The following SLC39A11 variants were observed in gnomAD, a reference collection of about 807,000 sequenced individuals.
The protein encoded by SLC39A11 is zinc transporter ZIP11.
A neutral mutation model predicts 36.1 loss-of-function variants in SLC39A11; 33 were observed. The ratio of observed to expected loss-of-function variants is 0.91; its 90% CI spans 0.69 to 1.22. SLC39A11 has a LOEUF of 1.22. SLC39A11 is among the 50% of genes most tolerant of loss of function. SLC39A11 has a pLI of 0.00. For synonymous variants in SLC39A11, 166 were observed against 170.3 expected (o/e 0.97, Z 0.20); for missense variants, 432 against 430.3 (o/e 1.00, Z -0.03).
chr17:72,981,386 C>T (rs575382024), intron 4 of SLC39A11, among the ~76,000 whole-genome samples: 7 of 152,200 alleles, frequency 4.6e-5, no homozygotes, highest in Middle Eastern at 3.4e-3. Context: ...GTAAATACAT[C>T]TTCTGATTTA....
At chr17:72,941,322 C>T (rs2452912) in intron 5 of SLC39A11, among the ~76,000 whole-genome samples, 49,565 of 152,066 alleles carry the variant, frequency 0.33, 8,989 homozygotes, top group Admixed American at 0.44. Context: ...AGCCATCTAC[C>T]AGCCAAGGAG....
chr17:72,794,210 G>A (rs946594854), intron 6 of SLC39A11, among the ~76,000 whole-genome samples: 6 of 152,062 alleles, frequency 3.9e-5, no homozygotes, highest in African/African-American at 1.5e-4. Flanking sequence ...ACCTAGAAAG[G>A]AAATTCAGAA....
chr17:72,922,474 T>C (rs1413158683), intron 5 of SLC39A11, among the ~76,000 whole-genome samples: 2 of 152,156 alleles, frequency 1.3e-5, no homozygotes, highest in Non-Finnish European at 2.9e-5. Context: ...TCCTGGAAGG[T>C]TGGGGTTGAG....
intron 4 of SLC39A11, among the ~76,000 whole-genome samples, chr17:72,959,363 A>ATATATATATATG (rs1555651691): frequency 7.2e-6 from 1 of 139,548 alleles, no homozygotes; most frequent in African/African-American, 2.6e-5. Context: ...ATATATATAT[A>ATATATATATATG]TATGATCGAA....
At chr17:73,004,628 T>G (rs2090082097) in intron 4 of SLC39A11, among the ~76,000 whole-genome samples, 1 of 152,234 alleles carries the variant, frequency 6.6e-6, no homozygotes, top group Admixed American at 6.5e-5. Context: ...ACTAGCAACT[T>G]GCTCAGTGGG....
chr17:72,775,544 A>G (rs960137912), intron 6 of SLC39A11, among the ~76,000 whole-genome samples: 2 of 152,176 alleles, frequency 1.3e-5, no homozygotes, highest in East Asian at 1.9e-4. Context: ...GAAGATCTAC[A>G]TGCTCTCCTA....
At chr17:72,908,270 G>C (rs1030286084) in intron 5 of SLC39A11, among the ~76,000 whole-genome samples, 3 of 152,182 alleles carry the variant, frequency 2.0e-5, no homozygotes, top group African/African-American at 7.2e-5. Context: ...GAGGCTGGGG[G>C]CCTCCACTTT....
chr17:72,664,496 A>G (rs1367872771), intron 7 of SLC39A11, among the ~76,000 whole-genome samples: 4 of 152,124 alleles, frequency 2.6e-5, no homozygotes, highest in Non-Finnish European at 5.9e-5. Context: ...GCGGGGATCT[A>G]CCTTTAGATC....
chr17:72,703,451 T>C (rs1293867668), intron 7 of SLC39A11, among the ~76,000 whole-genome samples: 1 of 152,056 alleles, frequency 6.6e-6, no homozygotes, highest in East Asian at 1.9e-4. Context: ...CACCTTTGAA[T>C]GGGCATTTTC....
chr17:73,087,158 T>C (rs2060761236), intron 2 of SLC39A11, among the ~76,000 whole-genome samples: 1 of 152,230 alleles, frequency 6.6e-6, no homozygotes, highest in Non-Finnish European at 1.5e-5. Context: ...ATCACCATTC[T>C]ACAATGTGTC....
intron 5 of SLC39A11, among the ~76,000 whole-genome samples, chr17:72,937,613 T>C (rs1028716452): frequency 6.6e-6 from 1 of 152,172 alleles, no homozygotes; most frequent in African/African-American, 2.4e-5. Flanking sequence ...ACTTATATGA[T>C]TGCTAGTGGT....
chr17:72,735,468 A>G (rs1210047345), intron 7 of SLC39A11, among the ~76,000 whole-genome samples: 1 of 152,094 alleles, frequency 6.6e-6, no homozygotes, highest in Admixed American at 6.5e-5. Context: ...TCCTTGGGGG[A>G]GTCAGGGAGA....
chr17:72,735,969 G>A (rs957774307), intron 7 of SLC39A11, among the ~76,000 whole-genome samples: 1 of 152,224 alleles, frequency 6.6e-6, no homozygotes, highest in African/African-American at 2.4e-5. Flanking sequence ...GGTCAACTGG[G>A]TACAGCGGTG....
intron 9 of SLC39A11, among the ~76,000 whole-genome samples, chr17:72,648,316 C>T (rs1223877985): frequency 5.1e-5 from 7 of 137,814 alleles, no homozygotes; most frequent in Admixed American, 4.5e-4. Flanking sequence ...GGTGACAGAG[C>T]GAGACTCTGC....
intron 7 of SLC39A11, among the ~76,000 whole-genome samples, chr17:72,680,041 CAAA>C (rs199650969): frequency 0.012 from 861 of 71,088 alleles, 2 homozygotes; most frequent in African/African-American, 0.068. Flanking sequence ...GACTCTGTCT[CAAA>C]AAAAAAAAAA....
At chr17:72,763,582 A>G (rs2075663985) in intron 6 of SLC39A11, among the ~76,000 whole-genome samples, 1 of 152,220 alleles carries the variant, frequency 6.6e-6, no homozygotes, top group African/African-American at 2.4e-5. Flanking sequence ...AATAATTAAG[A>G]GCTGTTCACA....
At chr17:73,087,307 A>AT (rs2144873732) in intron 2 of SLC39A11, among the ~76,000 whole-genome samples, 1 of 152,190 alleles carries the variant, frequency 6.6e-6, no homozygotes, top group African/African-American at 2.4e-5. Flanking sequence ...GGAGGTCGGG[A>AT]TTTTATTGTT....
At chr17:72,666,723 G>C (rs1042569996) in intron 7 of SLC39A11, among the ~76,000 whole-genome samples, 1 of 152,160 alleles carries the variant, frequency 6.6e-6, no homozygotes, top group African/African-American at 2.4e-5. Context: ...CAAACTAAAG[G>C]GGGAGTTTTC....
chr17:72,739,995 G>C (rs1233151278), intron 6 of SLC39A11, among the ~76,000 whole-genome samples: 3 of 149,714 alleles, frequency 2.0e-5, no homozygotes, highest in African/African-American at 4.9e-5. Flanking sequence ...AAGAAAGTAA[G>C]CTAGATAACA....
Sources: gnomAD v4.1 joint callset for allele counts (sites outside exome capture counted in the v4.1 genomes callset) on GRCh38, gnomAD v4.1.1 for gene constraint, MANE v1.5 for transcripts, NCBI Gene and HGNC (gene_info 2026-07-23, HGNC 2026-07-21) for gene names.